Variants in GRM8 observed in about 807,000 individuals in gnomAD.
GRM8 encodes the protein glutamate metabotropic receptor 8, also known as metabotropic glutamate receptor 8.
Under a neutral mutation model 87.2 loss-of-function variants are expected in GRM8, and 47 were observed. The ratio of observed to expected loss-of-function variants is 0.54; its 90% CI spans 0.43 to 0.69. The LOEUF is 0.69. GRM8 is among the 30% of genes least tolerant of loss of function. The pLI is 0.00. For synonymous variants in GRM8, 396 were observed against 404.5 expected (o/e 0.98, Z 0.25); for missense variants, 1,019 against 1,139.2 (o/e 0.89, Z 1.52).
At chr7:126,640,700 T>A (rs1802285465) in intron 7 of GRM8, among the ~76,000 whole-genome samples, 1 of 152,078 alleles carries the variant, frequency 6.6e-6, no homozygotes, top group Non-Finnish European at 1.5e-5. Flanking sequence ...TCCATCCCTG[T>A]CATTTTCTGA....
chr7:126,464,226 G>T (rs1191704862), intron 9 of GRM8, among the ~76,000 whole-genome samples: 1 of 151,484 alleles, frequency 6.6e-6, no homozygotes, highest in African/African-American at 2.4e-5. Flanking sequence ...TCTTTTTATA[G>T]TTTTTGTCTT....
At chr7:126,867,929 A>G (rs189982843) in intron 6 of GRM8, among the ~76,000 whole-genome samples, 1 of 152,252 alleles carries the variant, frequency 6.6e-6, no homozygotes, top group African/African-American at 2.4e-5. Flanking sequence ...AGAAAAAAAT[A>G]TATGATCAGG....
chr7:126,516,288 A>C (rs545393721), intron 9 of GRM8, among the ~76,000 whole-genome samples: 2 of 151,886 alleles, frequency 1.3e-5, no homozygotes, highest in African/African-American at 4.8e-5. Flanking sequence ...ATTAAAATTT[A>C]ACATAACATC....
At chr7:126,648,498 T>A (rs1803429171) in intron 7 of GRM8, among the ~76,000 whole-genome samples, 1 of 152,236 alleles carries the variant, frequency 6.6e-6, no homozygotes, top group Admixed American at 6.5e-5. Context: ...CCATGATTCC[T>A]CTGTGGTCTG....
intron 8 of GRM8, among the ~76,000 whole-genome samples, chr7:126,568,528 T>G (rs557070640): frequency 6.6e-6 from 1 of 152,122 alleles, no homozygotes; most frequent in Non-Finnish European, 1.5e-5. Context: ...CTCTCACCTC[T>G]GCAGACTATT....
chr7:126,885,946 T>G (rs1800452025), intron 6 of GRM8, among the ~76,000 whole-genome samples: 1 of 152,158 alleles, frequency 6.6e-6, no homozygotes, highest in Non-Finnish European at 1.5e-5. Context: ...TGATATTCTT[T>G]GTGGCACTTG....
intron 6 of GRM8, among the ~76,000 whole-genome samples, chr7:126,837,741 A>T (rs922614766): frequency 6.6e-6 from 1 of 152,190 alleles, no homozygotes; most frequent in Non-Finnish European, 1.5e-5. Context: ...TGCTAAAAGA[A>T]TTTACTTCTG....
At chr7:126,724,964 G>C (rs568608023) in intron 7 of GRM8, among the ~76,000 whole-genome samples, 1 of 152,242 alleles carries the variant, frequency 6.6e-6, no homozygotes, top group African/African-American at 2.4e-5. Context: ...CTTTGTGTCA[G>C]GTTTTACAGT....
intron 3 of GRM8, among the ~76,000 whole-genome samples, chr7:127,105,677 C>T: frequency 6.6e-6 from 1 of 152,124 alleles, no homozygotes; most frequent in East Asian, 1.9e-4. Flanking sequence ...CAAAATATTA[C>T]TCTTATAGAA....
chr7:126,887,407 A>G (rs1390978155), intron 6 of GRM8, among the ~76,000 whole-genome samples: 1 of 152,108 alleles, frequency 6.6e-6, no homozygotes, highest in African/African-American at 2.4e-5. Context: ...GTCCTTGAGA[A>G]ATCCTGGAGT....
chr7:126,689,725 A>C (rs1808601272), intron 7 of GRM8, among the ~76,000 whole-genome samples: 1 of 152,216 alleles, frequency 6.6e-6, no homozygotes. Flanking sequence ...TTGCATTTTC[A>C]CTTGTAATAA....
At chr7:126,628,780 A>C (rs917492825) in intron 7 of GRM8, among the ~76,000 whole-genome samples, 2 of 152,168 alleles carry the variant, frequency 1.3e-5, no homozygotes, top group Non-Finnish European at 2.9e-5. Flanking sequence ...TGGGGACATA[A>C]GAGTGTTTTC....
At chr7:126,910,132 G>C (rs915711725) in intron 3 of GRM8, among the ~76,000 whole-genome samples, 10 of 152,024 alleles carry the variant, frequency 6.6e-5, no homozygotes, top group African/African-American at 2.4e-4. Flanking sequence ...TTATAGAAGT[G>C]ACTTAAAGTT....
intron 2 of GRM8, among the ~76,000 whole-genome samples, chr7:127,130,698 G>T (rs1237362874): frequency 6.6e-6 from 1 of 152,162 alleles, no homozygotes; most frequent in East Asian, 1.9e-4. Context: ...TTAGCTCTGT[G>T]TGCCCACCCA....
At chr7:126,557,794 T>C (rs1280256021) in intron 8 of GRM8, among the ~76,000 whole-genome samples, 2 of 152,146 alleles carry the variant, frequency 1.3e-5, no homozygotes, top group Non-Finnish European at 2.9e-5. Context: ...TATGTATGTG[T>C]ATATTGACAA....
intron 7 of GRM8, among the ~76,000 whole-genome samples, chr7:126,720,869 A>AT (rs1812320509): frequency 6.6e-6 from 1 of 152,212 alleles, no homozygotes; most frequent in Admixed American, 6.5e-5. Flanking sequence ...CTCTAAGAAG[A>AT]GTATGGGGAG....
chr7:126,796,498 C>T (rs1290626756), intron 6 of GRM8, among the ~76,000 whole-genome samples: 2 of 152,080 alleles, frequency 1.3e-5, no homozygotes, highest in Non-Finnish European at 2.9e-5. Context: ...CATGGCACTC[C>T]TAATGACCAT....
chr7:126,779,466 T>A (rs1210281654), intron 6 of GRM8, among the ~76,000 whole-genome samples: 2 of 152,064 alleles, frequency 1.3e-5, no homozygotes, highest in African/African-American at 2.4e-5. Flanking sequence ...TTTTGAAAAA[T>A]TTCTGATTAG....
intron 2 of GRM8, among the ~76,000 whole-genome samples, chr7:127,183,902 C>T (rs566049524): frequency 3.3e-5 from 5 of 151,964 alleles, no homozygotes; most frequent in African/African-American, 1.2e-4. Context: ...ACAAACAACT[C>T]TCTGCCCACA....
Sources: allele counts gnomAD v4.1 joint callset (sites outside exome capture counted in the v4.1 genomes callset), GRCh38; gene constraint gnomAD v4.1.1; transcripts MANE v1.5; gene names NCBI Gene and HGNC (gene_info 2026-07-23, HGNC 2026-07-21).